RBM10: variants seen among roughly 807,000 people sequenced by gnomAD.
The protein encoded by RBM10 is RNA-binding protein 10.
In RBM10, 1 loss-of-function variant was observed where a neutral mutation model predicts 84.9. The observed-to-expected ratio is 0.01, with a 90% confidence interval of 0.00 to 0.06. RBM10 has a LOEUF of 0.06. Among genes scored for constraint, RBM10 ranks in the 10% least tolerant of loss-of-function variants. The pLI is 1.00. For missense variants in RBM10, 438 were observed against 839.0 expected, an observed-to-expected ratio of 0.52 and a Z score of 5.90; for synonymous variants, 326 against 344.5, an observed-to-expected ratio of 0.95 and a Z score of 0.60.
chrX:47,175,074 A>G lies in RBM10; in HGVS notation c.558A>G (p.Arg186=). Reference sequence around the variant, plus strand: ...TTAGTCACTTGCAGGACGCTACACGATGGATGGAAGCCAATCAGGTTGCTT... The same window carrying G: ...TTAGTCACTTGCAGGACGCTACACGGTGGATGGAAGCCAATCAGGTTGCTT... ...VEFSHLQDAT[R]WMEANQHSLN... is the part of the protein sequence containing the mutation. Residue 186 remains arginine, a synonymous_variant, in exon 6 of 24, where the codon CGA becomes CGG. Coordinates refer to ENST00000377604, the MANE Select transcript of RBM10 (RefSeq NM_005676.5). 3.3e-6 allele frequency: 4 copies of G among 1,209,882 alleles called. No homozygotes were observed. The highest frequency in any genetic ancestry group is 4.5e-6 in the Non-Finnish European group (4 of 894,420).
chrX:47,152,707 A>G (rs2147081785), intron 2 of RBM10, among the ~76,000 whole-genome samples: 1 of 106,719 alleles, frequency 9.4e-6, no homozygotes, highest in African/African-American at 3.4e-5. Context: ...TCAGCTTCCC[A>G]AAGTGCTGGA....
At chrX:47,157,819 G>A (rs935621249) in intron 2 of RBM10, 11 of 340,378 alleles carry the variant, frequency 3.2e-5, no homozygotes, top group South Asian at 2.6e-4. Context: ...TCACTCAGTC[G>A]CCCAGGCTGA....
intron 5 of RBM10, 123 bp downstream of exon 5, chrX:47,173,320 G>T: frequency 1.7e-6 from 2 of 1,157,931 alleles, no homozygotes; most frequent in East Asian, 6.5e-5. Context: ...GGAATGGGCA[G>T]CGTGGGGGGT....
chrX:47,160,509 A>G (rs1933588060), intron 2 of RBM10, among the ~76,000 whole-genome samples: 1 of 111,583 alleles, frequency 9.0e-6, no homozygotes, highest in Non-Finnish European at 1.9e-5. Context: ...GCTCATCATC[A>G]CTAATCATCA....
chrX:47,176,172 C>T (rs1556776049), intron 6 of RBM10, among the ~76,000 whole-genome samples: 1 of 109,851 alleles, frequency 9.1e-6, no homozygotes, highest in African/African-American at 3.3e-5. Context: ...TAGTCCTGGC[C>T]CTGGGTGTGG....
intron 2 of RBM10, among the ~76,000 whole-genome samples, chrX:47,162,601 T>C (rs1308225946): frequency 2.7e-5 from 3 of 109,956 alleles, no homozygotes; most frequent in Non-Finnish European, 3.8e-5. Flanking sequence ...GGAGGCCGGG[T>C]GTGGTGGCTC....
chrX:47,153,714 C>G (rs958764951), intron 2 of RBM10, among the ~76,000 whole-genome samples: 1 of 111,363 alleles, frequency 9.0e-6, no homozygotes, highest in Non-Finnish European at 1.9e-5. Context: ...AATTGGGCAG[C>G]CTTTGTTATT....
In RBM10 at chrX:47,179,908, C is replaced by T. The variant is rs2147172745; in HGVS notation, c.930C>T (p.His310=). ...TCATTTTGCGCAACCTGAACCCACACAGCACCATGGATTCCATCCTGGGGG... is the reference window on the plus strand; with the variant it reads ...TCATTTTGCGCAACCTGAACCCACATAGCACCATGGATTCCATCCTGGGGG... ...DTIILRNLNP[H]STMDSILGAL... is the part of the protein sequence containing the mutation. The change falls in exon 10 of 24, where the codon CAC becomes CAT. Residue 310 remains histidine (H), a synonymous_variant. Coordinates refer to ENST00000377604, the MANE Select transcript of RBM10 (RefSeq NM_005676.5). 8.3e-7 allele frequency: 1 copy of T among 1,209,530 alleles called. No individual in the cohort carries two copies. The highest frequency in any genetic ancestry group is 1.8e-5 in the South Asian group (1 of 56,633).
intron 5 of RBM10, 90 bp downstream of exon 5, chrX:47,173,287 C>T: frequency 8.5e-6 from 10 of 1,173,122 alleles, no homozygotes; most frequent in Non-Finnish European, 1.1e-5. Flanking sequence ...CCCACTCCCT[C>T]CACCACCTTC....
intron 2 of RBM10, among the ~76,000 whole-genome samples, chrX:47,164,290 C>G (rs782241777): frequency 1.8e-5 from 2 of 111,412 alleles, no homozygotes; most frequent in South Asian, 7.4e-4. Context: ...TATATGAACT[C>G]TTACAACAAC....
chrX:47,147,626 A>G, intron 2 of RBM10, 128 bp downstream of exon 2: 1 of 878,629 alleles, frequency 1.1e-6, no homozygotes. Context: ...GTTTCTTTTC[A>G]GCAGACAGGT....
intron 2 of RBM10, chrX:47,156,924 A>G (rs1933196536): frequency 1.4e-5 from 3 of 214,113 alleles, no homozygotes; most frequent in South Asian, 1.2e-4. Flanking sequence ...CTGGTCTTGG[A>G]AAATGGTGGC....
chrX:47,178,681 G>C lies in RBM10; in HGVS notation c.664-422G>C, dbSNP rs1341231849. 3.6e-5 allele frequency among the ~76,000 whole-genome samples: 4 copies of C among 112,220 alleles called. No individual in the cohort carries two copies. The East Asian group carries it at 1.1e-3, about 31-fold the overall frequency. On this transcript the variant is annotated intron_variant, in intron 7 of 23. Transcript: ENST00000377604. ...TCCAACCCAGTCCTAGAGCTAAGAG[G>C]AGGGGTGCGGGTCTGGCTACTGACT... is the stretch of plus-strand genomic sequence containing the variant.
Position 47,182,145 on chromosome X carries a change from CCCT to C in RBM10, c.1786-8_1786-6del, listed in dbSNP as rs782336391. ...AAGGTCTTCCCTCACATCCCCTCTT[CCCT>C]CCTCCTCCCTCAGTATTACTACAAT... On this transcript the variant is annotated splice_polypyrimidine_tract_variant and intron_variant, in intron 16 of 23. Transcript: ENST00000377604. 27 of 1,209,906 alleles carry C rather than the reference CCCT, an allele frequency of 2.2e-5. No homozygotes were observed. Among genetic ancestry groups the C allele is most frequent in the African/African-American group, 1.1e-4 (6 of 57,100 alleles).
intron 2 of RBM10, among the ~76,000 whole-genome samples, chrX:47,162,573 C>T (rs1186354429): frequency 1.8e-5 from 2 of 111,583 alleles, no homozygotes; most frequent in South Asian, 3.7e-4. Context: ...AGAGACTCAC[C>T]TCTAAAGAAT....
rs146071123 is a variant in RBM10 at position 47,184,051 on chromosome X, G to A, written c.1951-1004G>A. ...TATACAATTTCTTTAAAAAGCAGCC[G>A]CGATCTCTTGAGGAGGGCAGAGCCT... On this transcript the variant is annotated intron_variant, in intron 17 of 23. Coordinates refer to ENST00000377604, the MANE Select transcript of RBM10 (RefSeq NM_005676.5). 3.4e-3 allele frequency among the ~76,000 whole-genome samples: 376 copies of A among 111,809 alleles called. 1 individual carries two copies. The highest frequency in any genetic ancestry group is 5.3e-3 in the Non-Finnish European group (282 of 53,137).
Position 47,145,351 on chromosome X carries a change from T to TC in RBM10, c.-254dup. The TC allele has an allele frequency of 1.1e-6, 1 of 949,133 alleles. No individual in the cohort carries two copies. The highest frequency in any genetic ancestry group is 1.5e-6 in the Non-Finnish European group (1 of 685,175). 78.2% of individuals were successfully genotyped at this position (949,133 alleles called of 1,213,427 possible). ...GGCAGCGCGCTTGGCGCTTCTCCCC[T>TC]CCCCCCGATCTGCCTCCAGTCTCGG... On this transcript the variant is annotated 5_prime_UTR_variant, in exon 1 of 24. Transcript: ENST00000377604.
At chrX:47,165,952 G>A (rs1044510464) in intron 2 of RBM10, among the ~76,000 whole-genome samples, 6 of 110,392 alleles carry the variant, frequency 5.4e-5, no homozygotes, top group South Asian at 3.9e-4. Context: ...CCCAGGAGGC[G>A]GAGGCTGCAG....
Position 47,181,750 on chromosome X carries a change from C to T in RBM10, c.1577C>T (p.Ser526Leu), listed in dbSNP as rs963940626. The change falls in exon 15 of 24, where the codon TCG becomes TTG. Residue 526 changes from serine (S) to leucine (L), a missense_variant and splice_region_variant. Around this residue, in one of 8 missense-constraint regions of RBM10, gnomAD observed 97 missense variants for 110.3 expected, o/e 0.88. Transcript: ENST00000377604. ...SSQGTAANSQ[S>L]YTIMSPAVLK... ...TCTCCTGTCTGGCCCCATGACCAGT[C>T]GTATACCATCATGTCACCCGCTGTG... 5.0e-6 allele frequency: 6 copies of T among 1,210,853 alleles called. No individual in the cohort carries two copies. Among genetic ancestry groups the T allele is most frequent in the East Asian group, 3.0e-5 (1 of 33,813 alleles).
Sources: allele counts gnomAD v4.1 joint callset (sites outside exome capture counted in the v4.1 genomes callset), GRCh38; gene constraint gnomAD v4.1.1; regional missense constraint gnomAD v4.1.1; transcripts MANE v1.5; gene names NCBI Gene and HGNC (gene_info 2026-07-23, HGNC 2026-07-21).